Variants in IL7 observed in about 807,000 individuals in gnomAD.
IL7 encodes the protein interleukin-7.
Under a neutral mutation model 21.6 loss-of-function variants are expected in IL7, and 3 were observed. The ratio of observed to expected loss-of-function variants is 0.14; its 90% confidence interval spans 0.06 to 0.36. The LOEUF (loss-of-function observed/expected upper bound fraction) is 0.36, where lower values mean the gene tolerates loss of function less well. Among genes scored for constraint, IL7 ranks in the 10% least tolerant of loss-of-function variants. IL7 has a pLI of 1.00. For synonymous variants in IL7, 62 were observed against 68.1 expected (o/e 0.91, Z 0.44); for missense variants, 175 against 200.2 (o/e 0.87, Z 0.76).
At chr8:78,707,888 A>ATT (rs1810826828) in intron 3 of IL7, among the ~76,000 whole-genome samples, 1 of 146,894 alleles carries the variant, frequency 6.8e-6, no homozygotes, top group Admixed American at 6.8e-5. Context: ...TGAAGTAATG[A>ATT]TTTGTTTCTC....
At chr8:78,714,531 A>T (rs1415161525), downstream of IL7, among the ~76,000 whole-genome samples, 4 of 152,168 alleles carry the variant, frequency 2.6e-5, no homozygotes, top group African/African-American at 9.7e-5. Flanking sequence ...CAGTAGCATT[A>T]GCATTTGAAT....
At chr8:78,762,315 A>G (rs1812591990) in intron 2 of IL7, 1 of 1,603,694 alleles carries the variant, frequency 6.2e-7, no homozygotes, top group Non-Finnish European at 8.5e-7. Flanking sequence ...GCTCTCCTAC[A>G]GTTCTCCACC....
intron 3 of IL7, chr8:78,711,929 A>C: frequency 9.3e-7 from 1 of 1,073,102 alleles, no homozygotes; most frequent in Non-Finnish European, 1.2e-6. Flanking sequence ...CTTTTAAAAA[A>C]ACTTTATATA....
rs72661327 is a variant in IL7 at position 78,695,773 on chromosome 8, A to G, written n.215-9826T>C. Among the ~76,000 whole-genome samples, 560 of 152,268 alleles carry G rather than the reference A, an allele frequency of 3.7e-3. 2 individuals carry two copies. Among genetic ancestry groups the G allele is most frequent in the Non-Finnish European group, 6.5e-3 (441 of 68,018 alleles). On this transcript the variant is annotated intron_variant and non_coding_transcript_variant, in intron 3 of 4. Coordinates refer to the IL7 transcript ENST00000523959. The stretch of plus-strand genomic sequence containing the variant: ...AGTCTCATAGACATTTGTTAATTTG[A>G]AAGACATTTACTGAAGGTTTTGGTT...
chr8:78,697,588 G>A, intron 3 of IL7: 1 of 953,020 alleles, frequency 1.0e-6, no homozygotes, highest in Non-Finnish European at 1.6e-6. Context: ...GTCTATTCTG[G>A]AATATTAAGA....
At chr8:78,783,018 AC>A (rs1813391548) in intron 2 of IL7, among the ~76,000 whole-genome samples, 1 of 146,920 alleles carries the variant, frequency 6.8e-6, no homozygotes. Context: ...GATCTGAACC[AC>A]CCAATATCTC....
chr8:78,730,606 A>AT (rs1811407921), downstream of IL7, among the ~76,000 whole-genome samples: 1 of 151,922 alleles, frequency 6.6e-6, no homozygotes, highest in Non-Finnish European at 1.5e-5. Flanking sequence ...CTTTAAGTAA[A>AT]TTATTGTAGA....
chr8:78,692,974 A>C (rs1432790289), intron 3 of IL7, among the ~76,000 whole-genome samples: 1 of 152,040 alleles, frequency 6.6e-6, no homozygotes, highest in Non-Finnish European at 1.5e-5. Context: ...GAGTGAGAAC[A>C]TGCGGTGTTT....
At chr8:78,760,697 G>C in intron 2 of IL7, 1 of 1,582,508 alleles carries the variant, frequency 6.3e-7, no homozygotes, top group Non-Finnish European at 8.6e-7. Flanking sequence ...GACACTTAGG[G>C]TTTCTTTATA....
intron 3 of IL7, among the ~76,000 whole-genome samples, chr8:78,694,512 C>A (rs1810333221): frequency 6.6e-6 from 1 of 152,076 alleles, no homozygotes; most frequent in African/African-American, 2.4e-5. Context: ...CCTAATAATG[C>A]AAATTTATAC....
At chr8:78,735,502 G>T (rs1390298424) in intron 5 of IL7, among the ~76,000 whole-genome samples, 1 of 151,776 alleles carries the variant, frequency 6.6e-6, no homozygotes, top group Non-Finnish European at 1.5e-5. Flanking sequence ...TAGAGACGGG[G>T]TTTCACCATG....
rs772104364 is a variant in IL7, at chr8:78,784,559, T to C, written c.147+13513A>G. ...TTATAACTTTAAAATAACATTTAAG[T>C]TTTTTTTAATGTAAACTATGTTCAT... is the stretch of plus-strand genomic sequence containing the variant. On this transcript the variant is annotated intron_variant, in intron 2 of 5. Coordinates refer to ENST00000263851, the MANE Select transcript of IL7 (RefSeq NM_000880.4). Among the ~76,000 whole-genome samples, 68 of 150,356 alleles carry C rather than the reference T, an allele frequency of 4.5e-4. 2 individuals carry two copies. Among genetic ancestry groups the C allele is most frequent in the Admixed American group, 3.1e-3 (47 of 15,222 alleles).
At chr8:78,711,139 A>G (rs760773145) in intron 3 of IL7, among the ~76,000 whole-genome samples, 1 of 152,156 alleles carries the variant, frequency 6.6e-6, no homozygotes, top group East Asian at 1.9e-4. Flanking sequence ...TCTTAAAAAG[A>G]ACAGACTTTT....
intron 4 of IL7, among the ~76,000 whole-genome samples, chr8:78,683,364 G>A (rs1051257931): frequency 6.6e-6 from 1 of 152,228 alleles, no homozygotes; most frequent in Non-Finnish European, 1.5e-5. Flanking sequence ...CTGAAATCTA[G>A]TCAGAGGCTC....
intron 3 of IL7, among the ~76,000 whole-genome samples, chr8:78,688,882 A>G (rs1810112383): frequency 6.6e-6 from 1 of 152,158 alleles, no homozygotes; most frequent in Non-Finnish European, 1.5e-5. Flanking sequence ...TATATAAAGT[A>G]TGTATCCATT....
intron 3 of IL7, among the ~76,000 whole-genome samples, chr8:78,695,671 G>T (rs900297926): frequency 3.3e-5 from 5 of 151,954 alleles, no homozygotes; most frequent in Admixed American, 2.6e-4. Flanking sequence ...TATATATAGT[G>T]GCCCAGATGC....
At chr8:78,706,952 G>T (rs923414912) in intron 3 of IL7, among the ~76,000 whole-genome samples, 2 of 152,130 alleles carry the variant, frequency 1.3e-5, no homozygotes, top group Non-Finnish European at 1.5e-5. Context: ...AAAAACAAGA[G>T]ACAGGCTATC....
At chr8:78,803,732 G>C (rs906089003) in intron 1 of IL7, among the ~76,000 whole-genome samples, 1 of 152,176 alleles carries the variant, frequency 6.6e-6, no homozygotes, top group Non-Finnish European at 1.5e-5. Flanking sequence ...GGCATTGCAA[G>C]GAAAATAGGG....
rs1563626734 is a variant in IL7, at chr8:78,687,636, A to ATATATATTTATGTAATACAT, written n.215-1690_215-1689insATGTATTACATAAATATATA. On this transcript the variant is annotated intron_variant and non_coding_transcript_variant, in intron 3 of 4. Coordinates refer to the IL7 transcript ENST00000523959. Reference sequence around the variant, plus strand: ...ATTATATATATTTACGTAATACATTATATATATATTTACGTAATACATTAT... The same window carrying ATATATATTTATGTAATACAT: ...ATTATATATATTTACGTAATACATTATATATATTTATGTAATACATTATATATATTTACGTAATACATTAT... Among the ~76,000 whole-genome samples, 9 of 129,986 alleles carry ATATATATTTATGTAATACAT rather than the reference A, an allele frequency of 6.9e-5. 2 individuals carry two copies. The highest frequency in any genetic ancestry group is 8.8e-5 in the Admixed American group (1 of 11,408). The allele number at this position is 129,986 out of a possible 152,430, so 85.3% of individuals were successfully genotyped here.
Sources: allele counts gnomAD v4.1 joint callset (sites outside exome capture counted in the v4.1 genomes callset), GRCh38; gene constraint gnomAD v4.1.1; transcripts MANE v1.5; gene names NCBI Gene and HGNC (gene_info 2026-07-23, HGNC 2026-07-21).